GRIP1: variants seen among roughly 807,000 people sequenced by gnomAD.
GRIP1 encodes the protein glutamate receptor interacting protein 1, also known as glutamate receptor-interacting protein 1.
Under a neutral mutation model 129.9 loss-of-function variants are expected in GRIP1, and 45 were observed. That is an observed-to-expected ratio of 0.35 (90% CI 0.27 to 0.44). The LOEUF (loss-of-function observed/expected upper bound fraction) is 0.44. Among genes scored for constraint, GRIP1 ranks in the 20% least tolerant of loss-of-function variants. GRIP1 has a pLI of 1.00. For missense variants in GRIP1, 1,196 were observed against 1,396.8 expected, an observed-to-expected ratio of 0.86 and a Z score of 2.29; for synonymous variants, 530 against 520.8, an observed-to-expected ratio of 1.02 and a Z score of -0.24.
At chr12:66,514,893 A>G (rs1445141669) in intron 7 of GRIP1, among the ~76,000 whole-genome samples, 1 of 152,134 alleles carries the variant, frequency 6.6e-6, no homozygotes, top group East Asian at 1.9e-4. Flanking sequence ...TGATAATTGT[A>G]AGGTTTACTC....
chr12:66,678,766 A>G, intron 1 of GRIP1, 84 bp downstream of exon 1: 1 of 1,258,870 alleles, frequency 7.9e-7, no homozygotes, highest in Non-Finnish European at 1.2e-6. Flanking sequence ...AAAGGCAGTC[A>G]TATTTGAAAG....
rs543298896 is a variant in GRIP1 at position 66,779,114 on chromosome 12, T to G, written c.-420+24939A>C. On this transcript the variant is annotated intron_variant, in intron 1 of 4. Transcript: ENST00000538373. ...TGAAGTGCTATACTTCAGGAAAATG[T>G]CTTTGTTAACATATAATTTCAAGGA... Among the ~76,000 whole-genome samples the G allele has an allele frequency of 2.0e-5, 3 of 152,274 alleles. No homozygotes were observed. In the South Asian group the frequency reaches 6.2e-4, roughly 32 times the overall value.
intron 1 of GRIP1, among the ~76,000 whole-genome samples, chr12:66,939,136 A>C (rs2041541777): frequency 6.6e-6 from 1 of 152,160 alleles, no homozygotes; most frequent in Non-Finnish European, 1.5e-5. Flanking sequence ...CAGTTCCCTT[A>C]GTTAAGACCA....
At chr12:67,023,994 C>T (rs2042904976) in intron 1 of GRIP1, among the ~76,000 whole-genome samples, 1 of 152,100 alleles carries the variant, frequency 6.6e-6, no homozygotes, top group Admixed American at 6.6e-5. Flanking sequence ...TTTCTTGCCA[C>T]AGTCAATACC....
At chr12:66,931,027 C>T (rs2041386393) in intron 1 of GRIP1, among the ~76,000 whole-genome samples, 1 of 152,088 alleles carries the variant, frequency 6.6e-6, no homozygotes, top group African/African-American at 2.4e-5. Context: ...AATGCACTCC[C>T]CAGCTAGCTC....
chr12:66,792,459 C>T (rs904723333), intron 1 of GRIP1, among the ~76,000 whole-genome samples: 2 of 152,032 alleles, frequency 1.3e-5, no homozygotes, highest in Admixed American at 1.3e-4. Context: ...CCTGTAATCA[C>T]AGCACTTTGG....
chr12:66,827,383 TGTGTGAGAGAGA>T lies in GRIP1; in HGVS notation c.59-230468_59-230457del, dbSNP rs774646386. 4.3e-4 allele frequency among the ~76,000 whole-genome samples: 47 copies of T among 110,186 alleles called. No individual in the cohort carries two copies. The East Asian group carries it at 8.1e-3, about 19-fold the overall frequency. The allele number at this position is 110,186 out of a possible 152,430, so 72.3% of individuals were successfully genotyped here. A position where few individuals can be genotyped will look rare whatever the true frequency, so the allele number is the denominator to read the frequency against. On this transcript the variant is annotated intron_variant, in intron 1 of 1. Coordinates refer to the GRIP1 transcript ENST00000643019. ...AACCAGGTGTGTGTGTGTGTGTGTG[TGTGTGAGAGAGA>T]GAGAGAGAGAGAGAGAGAGAGCGCA...
chr12:66,933,373 T>C (rs1244724721), intron 1 of GRIP1, among the ~76,000 whole-genome samples: 2 of 152,236 alleles, frequency 1.3e-5, no homozygotes, highest in Non-Finnish European at 2.9e-5. Context: ...TTGTCTTATA[T>C]GGAAACCACT....
intron 1 of GRIP1, among the ~76,000 whole-genome samples, chr12:66,870,137 C>T (rs562461534): frequency 3.3e-5 from 5 of 152,146 alleles, no homozygotes; most frequent in East Asian, 3.9e-4. Context: ...TGAGAACCAT[C>T]GCTTTAAAAT....
At chr12:66,658,593 G>T (rs75562512) in intron 1 of GRIP1, among the ~76,000 whole-genome samples, 3 of 148,734 alleles carry the variant, frequency 2.0e-5, no homozygotes, top group Non-Finnish European at 4.5e-5. Flanking sequence ...AAAAAAAAAA[G>T]AAAAAAAAAT....
intron 1 of GRIP1, among the ~76,000 whole-genome samples, chr12:66,811,589 C>T (rs1300690581): frequency 1.3e-5 from 2 of 151,996 alleles, no homozygotes; most frequent in Non-Finnish European, 2.9e-5. Context: ...TTCCATTTTC[C>T]TTGTCTCTCT....
chr12:66,432,615 T>C lies in GRIP1; in HGVS notation c.1701A>G (p.Pro567=), dbSNP rs2137968847. The change falls in exon 14 of 25, where the codon CCA becomes CCG. Residue 567 remains proline (P), a synonymous_variant. Coordinates refer to ENST00000359742, the MANE Select transcript of GRIP1 (RefSeq NM_001366722.1). ...GCTTTACATGAAATGTTCCACTACT[T>C]GGGATGACAGACTCTAATATCAAAA... The part of the protein sequence containing the change: ...IEFDVAESVI[P]SSGTFHVKLP... 6.3e-7 allele frequency: 1 copy of C among 1,594,816 alleles called. No individual in the cohort carries two copies. Among genetic ancestry groups the C allele is most frequent in the Non-Finnish European group, 8.6e-7 (1 of 1,163,266 alleles).
At chr12:66,879,730 C>T in intron 1 of GRIP1, among the ~76,000 whole-genome samples, 1 of 152,078 alleles carries the variant, frequency 6.6e-6, no homozygotes, top group East Asian at 1.9e-4. Context: ...TTTTTCACGG[C>T]TCAACTTGCA....
chr12:66,922,971 T>C (rs1476018689), intron 1 of GRIP1, among the ~76,000 whole-genome samples: 1 of 152,150 alleles, frequency 6.6e-6, no homozygotes, highest in Non-Finnish European at 1.5e-5. Context: ...GAAAAAAATA[T>C]TGATATATAT....
chr12:66,611,609 G>A (rs1183546269), intron 1 of GRIP1, among the ~76,000 whole-genome samples: 1 of 152,072 alleles, frequency 6.6e-6, no homozygotes, highest in African/African-American at 2.4e-5. Context: ...TCTATGACTA[G>A]TGTCTATAAA....
intron 2 of GRIP1, chr12:66,568,828 A>G (rs1389487090): frequency 2.7e-6 from 1 of 368,812 alleles, no homozygotes; most frequent in South Asian, 2.4e-5. Flanking sequence ...TGATGTCCCA[A>G]GGCAATTAGT....
chr12:66,578,983 T>C (rs1430125702), intron 2 of GRIP1, among the ~76,000 whole-genome samples: 1 of 152,084 alleles, frequency 6.6e-6, no homozygotes, highest in Non-Finnish European at 1.5e-5. Flanking sequence ...CCCTGACCCC[T>C]GAGCAGCCTA....
intron 2 of GRIP1, among the ~76,000 whole-genome samples, chr12:66,577,446 A>G (rs907814319): frequency 6.6e-6 from 1 of 152,162 alleles, no homozygotes; most frequent in African/African-American, 2.4e-5. Flanking sequence ...GCACGCACAT[A>G]TTTTTTTAGG....
At chr12:66,760,349 G>A (rs1029250584) in intron 1 of GRIP1, among the ~76,000 whole-genome samples, 1 of 151,976 alleles carries the variant, frequency 6.6e-6, no homozygotes, top group Non-Finnish European at 1.5e-5. Flanking sequence ...GTATTAGTTC[G>A]TTTTCATGCT....
Sources: allele counts gnomAD v4.1 joint callset (sites outside exome capture counted in the v4.1 genomes callset), GRCh38; gene constraint gnomAD v4.1.1; transcripts MANE v1.5; gene names NCBI Gene and HGNC (gene_info 2026-07-23, HGNC 2026-07-21).